The following GALNTL6 variants were observed in gnomAD, a reference collection of about 807,000 sequenced individuals.
GALNTL6 encodes the protein polypeptide N-acetylgalactosaminyltransferase-like 6.
In GALNTL6, 46 loss-of-function variants were observed where a neutral mutation model predicts 73.7. That is an observed-to-expected ratio of 0.62 (90% CI 0.49 to 0.80). The LOEUF is 0.80. GALNTL6 is among the 30% of genes least tolerant of loss of function. GALNTL6 has a pLI of 0.00. For missense variants in GALNTL6, 604 were observed against 755.0 expected, an observed-to-expected ratio of 0.80 and a Z score of 2.34; for synonymous variants, 259 against 263.7, an observed-to-expected ratio of 0.98 and a Z score of 0.17.
intron 2 of GALNTL6, among the ~76,000 whole-genome samples, chr4:172,049,846 T>C (rs1164910377): frequency 1.3e-5 from 2 of 152,098 alleles, no homozygotes; most frequent in Non-Finnish European, 2.9e-5. Flanking sequence ...TAGCCTGGCA[T>C]GGTGGCAGGT....
At chr4:172,072,425 T>G (rs907060156) in intron 2 of GALNTL6, among the ~76,000 whole-genome samples, 1 of 152,152 alleles carries the variant, frequency 6.6e-6, no homozygotes, top group Non-Finnish European at 1.5e-5. Context: ...TTCATATGCA[T>G]TCTTTATGCT....
At chr4:173,019,877 C>T (rs1357569470) in intron 11 of GALNTL6, among the ~76,000 whole-genome samples, 2 of 152,196 alleles carry the variant, frequency 1.3e-5, no homozygotes, top group Non-Finnish European at 2.9e-5. Flanking sequence ...TGGAATTTTG[C>T]CAGGTTCTCT....
At chr4:171,932,463 C>T (rs1320031134) in intron 2 of GALNTL6, among the ~76,000 whole-genome samples, 3 of 152,128 alleles carry the variant, frequency 2.0e-5, no homozygotes, top group Non-Finnish European at 4.4e-5. Context: ...AGCTGGAAGC[C>T]AGTGGGCCCG....
chr4:172,171,513 A>G (rs1734824433), intron 2 of GALNTL6, among the ~76,000 whole-genome samples: 1 of 152,078 alleles, frequency 6.6e-6, no homozygotes, highest in Non-Finnish European at 1.5e-5. Context: ...CAACACTGCT[A>G]GGCACCAGTC....
intron 3 of GALNTL6, among the ~76,000 whole-genome samples, chr4:172,306,694 A>G (rs935802282): frequency 4.1e-4 from 63 of 152,168 alleles, no homozygotes; most frequent in Non-Finnish European, 1.9e-4. Flanking sequence ...GCTCCCACTT[A>G]CAAGTGAGAA....
At chr4:171,876,991 C>G (rs1463639024) in intron 2 of GALNTL6, among the ~76,000 whole-genome samples, 1 of 152,084 alleles carries the variant, frequency 6.6e-6, no homozygotes, top group Non-Finnish European at 1.5e-5. Context: ...TCTGCTTGCT[C>G]TGTTGCTCCT....
chr4:172,683,974 C>T (rs1274203661), intron 5 of GALNTL6, among the ~76,000 whole-genome samples: 1 of 152,156 alleles, frequency 6.6e-6, no homozygotes, highest in Non-Finnish European at 1.5e-5. Context: ...ATTCACTCAT[C>T]TTCCAGAAAA....
intron 5 of GALNTL6, among the ~76,000 whole-genome samples, chr4:172,523,099 A>C (rs972394053): frequency 6.6e-6 from 1 of 152,240 alleles, no homozygotes; most frequent in African/African-American, 2.4e-5. Context: ...TTGCATAAAT[A>C]GAATTATATA....
chr4:171,971,542 G>T (rs538427445), intron 2 of GALNTL6, among the ~76,000 whole-genome samples: 1 of 152,060 alleles, frequency 6.6e-6, no homozygotes, highest in African/African-American at 2.4e-5. Context: ...TCCAAAAAAG[G>T]CTTACCTATT....
At chr4:172,149,429 T>G (rs1337335381) in intron 2 of GALNTL6, among the ~76,000 whole-genome samples, 1 of 152,018 alleles carries the variant, frequency 6.6e-6, no homozygotes, top group Non-Finnish European at 1.5e-5. Flanking sequence ...ATGGGACATA[T>G]CTTCTCTCTC....
At chr4:172,775,202 A>G (rs577900628) in intron 5 of GALNTL6, among the ~76,000 whole-genome samples, 1 of 152,220 alleles carries the variant, frequency 6.6e-6, no homozygotes, top group East Asian at 1.9e-4. Context: ...TAAATTTTGT[A>G]TGTCTCTTAG....
At chr4:172,528,518 C>T (rs537705531) in intron 5 of GALNTL6, among the ~76,000 whole-genome samples, 13 of 150,978 alleles carry the variant, frequency 8.6e-5, no homozygotes, top group South Asian at 8.4e-4. Flanking sequence ...CCACCACGCC[C>T]GGCTAATTTT....
At chr4:172,571,514 A>T (rs549720754) in intron 5 of GALNTL6, among the ~76,000 whole-genome samples, 5 of 152,272 alleles carry the variant, frequency 3.3e-5, no homozygotes, top group South Asian at 4.1e-4. Context: ...AAGTTTTTTT[A>T]AAAAATACCC....
chr4:171,956,074 C>G (rs1739038243), intron 2 of GALNTL6, among the ~76,000 whole-genome samples: 1 of 152,028 alleles, frequency 6.6e-6, no homozygotes, highest in African/African-American at 2.4e-5. Context: ...GCAATTATGG[C>G]TCACTGCAGC....
chr4:172,184,658 C>T lies in GALNTL6; in HGVS notation c.139-44998C>T, dbSNP rs114601702. 4.2e-3 allele frequency among the ~76,000 whole-genome samples: 634 copies of T among 152,280 alleles called. 3 individuals carry two copies. The highest frequency in any genetic ancestry group is 0.014 in the African/African-American group (592 of 41,554). ...GTTTCTAAAAACATTTCTAGTAAGT[C>T]TCTTTTCCCATGAAATTAGTCAACA... On this transcript the variant is annotated intron_variant, in intron 2 of 12. Coordinates refer to ENST00000506823, the MANE Select transcript of GALNTL6 (RefSeq NM_001034845.3).
intron 2 of GALNTL6, among the ~76,000 whole-genome samples, chr4:172,193,569 T>G (rs1489950572): frequency 6.6e-6 from 1 of 151,884 alleles, no homozygotes; most frequent in Non-Finnish European, 1.5e-5. Context: ...GTGGTGAATA[T>G]GAGAAATAAT....
At chr4:172,739,985 A>G (rs1026535975) in intron 5 of GALNTL6, among the ~76,000 whole-genome samples, 30 of 152,076 alleles carry the variant, frequency 2.0e-4, no homozygotes, top group African/African-American at 7.0e-4. Context: ...TTTAATTTTC[A>G]GAGGCACCAT....
intron 2 of GALNTL6, among the ~76,000 whole-genome samples, chr4:172,168,814 T>C (rs1171630626): frequency 6.6e-6 from 1 of 152,226 alleles, no homozygotes; most frequent in Non-Finnish European, 1.5e-5. Flanking sequence ...ATAGTAAACC[T>C]AGTTATGCCT....
chr4:172,968,941 A>G (rs1188129926), intron 10 of GALNTL6, among the ~76,000 whole-genome samples: 1 of 152,216 alleles, frequency 6.6e-6, no homozygotes, highest in Non-Finnish European at 1.5e-5. Context: ...AAGGATAAAG[A>G]TAAGAATTAA....
Sources: allele counts gnomAD v4.1 joint callset (sites outside exome capture counted in the v4.1 genomes callset), GRCh38; gene constraint gnomAD v4.1.1; transcripts MANE v1.5; gene names NCBI Gene and HGNC (gene_info 2026-07-23, HGNC 2026-07-21).